The following RAB27B variants were observed in gnomAD, a reference collection of about 807,000 sequenced individuals.
RAB27B encodes the protein RAB27B, member RAS oncogene family, also known as ras-related protein Rab-27B.
Under a neutral mutation model 24.6 loss-of-function variants are expected in RAB27B, and 15 were observed. The ratio of observed to expected loss-of-function variants is 0.61; its 90% CI spans 0.41 to 0.94. The LOEUF (loss-of-function observed/expected upper bound fraction) is 0.94, where lower values mean the gene tolerates loss of function less well. Among genes scored for constraint, RAB27B ranks in the 40% least tolerant of loss-of-function variants. RAB27B has a pLI of 0.00. For synonymous variants in RAB27B, 105 were observed against 92.5 expected, an observed-to-expected ratio of 1.14 and a Z score of -0.78; for missense variants, 261 against 266.8, an observed-to-expected ratio of 0.98 and a Z score of 0.15.
chr18:54,801,009 T>TTG (rs1909585539), intron 2 of RAB27B, among the ~76,000 whole-genome samples: 1 of 3,538 alleles, frequency 2.8e-4, no homozygotes, highest in Non-Finnish European at 8.7e-4. Flanking sequence ...TGTTCCTGTG[T>TTG]TTTTTTTTTT....
chr18:54,881,700 A>T (rs978226935), intron 3 of RAB27B, among the ~76,000 whole-genome samples: 4 of 152,144 alleles, frequency 2.6e-5, no homozygotes, highest in African/African-American at 9.7e-5. Flanking sequence ...GGAGGCTGGA[A>T]ATGAATTACT....
At chr18:54,785,750 T>A (rs1406224817) in intron 2 of RAB27B, among the ~76,000 whole-genome samples, 3 of 152,168 alleles carry the variant, frequency 2.0e-5, no homozygotes, top group Admixed American at 2.0e-4. Context: ...TTCAAACATG[T>A]AATATGTATA....
chr18:54,862,969 G>T (rs1912066078), intron 1 of RAB27B, among the ~76,000 whole-genome samples: 1 of 152,104 alleles, frequency 6.6e-6, no homozygotes, highest in Non-Finnish European at 1.5e-5. Flanking sequence ...GCTATTCTGT[G>T]TCCCTTTCAT....
chr18:54,728,760 C>T, intron 2 of RAB27B, among the ~76,000 whole-genome samples: 1 of 150,080 alleles, frequency 6.7e-6, no homozygotes, highest in Non-Finnish European at 1.5e-5. Flanking sequence ...CCTGTAATCC[C>T]AGCTACTTGA....
chr18:54,804,184 G>A (rs994133367), intron 2 of RAB27B, among the ~76,000 whole-genome samples: 1 of 152,170 alleles, frequency 6.6e-6, no homozygotes, highest in African/African-American at 2.4e-5. Flanking sequence ...CTAGGAAAGA[G>A]CAGCTAATCT....
chr18:54,878,617 C>G (rs1057127907), intron 2 of RAB27B, among the ~76,000 whole-genome samples: 1 of 152,118 alleles, frequency 6.6e-6, no homozygotes, highest in African/African-American at 2.4e-5. Flanking sequence ...GGTTTTCCTG[C>G]CTTCTCTCCT....
intron 2 of RAB27B, among the ~76,000 whole-genome samples, chr18:54,804,881 T>G (rs1476849884): frequency 2.1e-5 from 1 of 48,134 alleles, no homozygotes; most frequent in Admixed American, 2.4e-4. Flanking sequence ...TTCTTTTTTC[T>G]TTCTTTCTTT....
chr18:54,784,865 A>G (rs1383815592), intron 2 of RAB27B, among the ~76,000 whole-genome samples: 1 of 152,172 alleles, frequency 6.6e-6, no homozygotes. Context: ...ACAGCAGACA[A>G]TGTGCTACTC....
chr18:54,844,903 A>G lies in RAB27B; in HGVS notation c.-20+16203A>G, dbSNP rs564572177. 3.0e-3 allele frequency among the ~76,000 whole-genome samples: 460 copies of G among 152,236 alleles called. 4 individuals are homozygous for G. Among genetic ancestry groups the G allele is most frequent in the Non-Finnish European group, 5.2e-3 (352 of 68,022 alleles). ...GGTGTTGCTGTGAAAATGGAGGTAT[A>G]GGGAGGGAGTTGGCTCTTTCAGGTT... On this transcript the variant is annotated intron_variant, in intron 1 of 5. Coordinates refer to ENST00000262094, the MANE Select transcript of RAB27B (RefSeq NM_004163.4).
intron 1 of RAB27B, among the ~76,000 whole-genome samples, chr18:54,866,268 CCCG>C (rs1912218364): frequency 1.7e-4 from 15 of 88,854 alleles, no homozygotes; most frequent in Admixed American, 1.5e-3. Context: ...CCTTCTCCTC[CCCG>C]CCTCCCCGCC....
chr18:54,860,751 A>G (rs1442730229), intron 1 of RAB27B, among the ~76,000 whole-genome samples: 1 of 152,244 alleles, frequency 6.6e-6, no homozygotes, highest in Non-Finnish European at 1.5e-5. Context: ...GGAAAGTTCC[A>G]AGTCAGAGAT....
At chr18:54,720,888 G>A (rs1252126310) in intron 2 of RAB27B, among the ~76,000 whole-genome samples, 1 of 152,064 alleles carries the variant, frequency 6.6e-6, no homozygotes, top group Non-Finnish European at 1.5e-5. Context: ...ACAATAAATA[G>A]GAATTACATG....
intron 1 of RAB27B, among the ~76,000 whole-genome samples, chr18:54,835,801 G>T (rs1284462600): frequency 6.6e-6 from 1 of 151,940 alleles, no homozygotes; most frequent in Non-Finnish European, 1.5e-5. Context: ...ATCATCAGAT[G>T]CTACTTATTT....
At chr18:54,825,455 T>G (rs1208245518), upstream of RAB27B, among the ~76,000 whole-genome samples, 1 of 147,606 alleles carries the variant, frequency 6.8e-6, no homozygotes, top group African/African-American at 2.5e-5. Context: ...TAGAGCTTTC[T>G]GAGATTTCCA....
intron 3 of RAB27B, among the ~76,000 whole-genome samples, chr18:54,883,692 C>G (rs1913017663): frequency 6.6e-6 from 1 of 152,112 alleles, no homozygotes; most frequent in African/African-American, 2.4e-5. Flanking sequence ...AGAGTTCTTT[C>G]CTTCTTTCCC....
At chr18:54,865,926 T>C (rs1912200893) in intron 1 of RAB27B, among the ~76,000 whole-genome samples, 1 of 152,176 alleles carries the variant, frequency 6.6e-6, no homozygotes, top group South Asian at 2.1e-4. Flanking sequence ...AGGTTGGAAG[T>C]AAGTTATGCA....
chr18:54,826,501 A>C (rs1910482349), upstream of RAB27B, among the ~76,000 whole-genome samples: 1 of 152,158 alleles, frequency 6.6e-6, no homozygotes, highest in Admixed American at 6.5e-5. Flanking sequence ...ACACTACTGA[A>C]TCTGAGCCTT....
At chr18:54,789,948 T>A (rs182300601) in intron 2 of RAB27B, among the ~76,000 whole-genome samples, 15 of 152,230 alleles carry the variant, frequency 9.9e-5, no homozygotes, top group African/African-American at 2.6e-4. Context: ...TATACTTTTT[T>A]AAAACCAAAT....
At chr18:54,805,388 G>A (rs1201270711) in intron 2 of RAB27B, among the ~76,000 whole-genome samples, 2 of 152,154 alleles carry the variant, frequency 1.3e-5, no homozygotes, top group African/African-American at 4.8e-5. Flanking sequence ...TTCAAAGACT[G>A]TATAATGTTA....
Sources: allele counts gnomAD v4.1 joint callset (sites outside exome capture counted in the v4.1 genomes callset), GRCh38; gene constraint gnomAD v4.1.1; transcripts MANE v1.5; gene names NCBI Gene and HGNC (gene_info 2026-07-23, HGNC 2026-07-21).